Variants in MYO3B observed in about 807,000 individuals in gnomAD.
The protein encoded by MYO3B is myosin IIIB, also known as myosin-IIIb.
Under a neutral mutation model 174.6 loss-of-function variants are expected in MYO3B, and 156 were observed. The observed-to-expected ratio is 0.89, with a 90% confidence interval of 0.78 to 1.02. The LOEUF (loss-of-function observed/expected upper bound fraction) is 1.02. MYO3B is among the 50% of genes least tolerant of loss of function. The pLI is 0.00. For synonymous variants in MYO3B, 563 were observed against 569.1 expected, an observed-to-expected ratio of 0.99 and a Z score of 0.15; for missense variants, 1,632 against 1,639.4, an observed-to-expected ratio of 1.00 and a Z score of 0.08.
intron 32 of MYO3B, among the ~76,000 whole-genome samples, chr2:170,586,470 T>C (rs970474258): frequency 1.3e-5 from 2 of 152,246 alleles, no homozygotes; most frequent in African/African-American, 4.8e-5. Context: ...GCTCACCACA[T>C]GGGCTCTTAA....
At chr2:170,510,500 G>T (rs564434321) in intron 28 of MYO3B, among the ~76,000 whole-genome samples, 9 of 152,076 alleles carry the variant, frequency 5.9e-5, no homozygotes, top group Non-Finnish European at 1.2e-4. Flanking sequence ...TTTTAAGGGG[G>T]GTGTGTCAGT....
chr2:170,434,696 G>A (rs1352298851), intron 22 of MYO3B, among the ~76,000 whole-genome samples: 2 of 152,234 alleles, frequency 1.3e-5, no homozygotes, highest in African/African-American at 4.8e-5. Flanking sequence ...GTTAAGTTTA[G>A]AAGGCAAAGA....
intron 32 of MYO3B, among the ~76,000 whole-genome samples, chr2:170,638,281 G>T (rs1166499770): frequency 6.6e-6 from 1 of 152,134 alleles, no homozygotes; most frequent in Non-Finnish European, 1.5e-5. Flanking sequence ...TTTGCTAACA[G>T]CTGGGCAAAG....
chr2:170,549,869 C>T (rs924593422), intron 32 of MYO3B, among the ~76,000 whole-genome samples: 2 of 152,142 alleles, frequency 1.3e-5, no homozygotes, highest in African/African-American at 2.4e-5. Context: ...TGGAAGGGAG[C>T]GCAAGCAGCT....
chr2:170,294,765 T>C (rs1449681412), intron 7 of MYO3B, among the ~76,000 whole-genome samples: 6 of 152,128 alleles, frequency 3.9e-5, no homozygotes, highest in South Asian at 2.1e-4. Context: ...AACACCAAGA[T>C]TGAACTTTAA....
intron 10 of MYO3B, chr2:170,382,848 C>G: frequency 2.5e-6 from 1 of 403,106 alleles, no homozygotes; most frequent in Non-Finnish European, 4.5e-6. Flanking sequence ...TTAGCAAGTC[C>G]TAAGTGGGCC....
At chr2:170,230,336 ATTTTTTTTTTTT>A (rs60171555) in intron 6 of MYO3B, among the ~76,000 whole-genome samples, 6 of 64,706 alleles carry the variant, frequency 9.3e-5, no homozygotes, top group Admixed American at 5.3e-4. Context: ...CGCCTGGCTA[ATTTTTTTTTTTT>A]TTTTTTTTTT....
chr2:170,475,392 A>G (rs1374979848), intron 25 of MYO3B, among the ~76,000 whole-genome samples: 1 of 152,150 alleles, frequency 6.6e-6, no homozygotes, highest in Non-Finnish European at 1.5e-5. Context: ...CGAAGACTAC[A>G]TGTGCAAACC....
intron 8 of MYO3B, among the ~76,000 whole-genome samples, chr2:170,355,414 C>A (rs1214136103): frequency 6.6e-6 from 1 of 152,204 alleles, no homozygotes; most frequent in Non-Finnish European, 1.5e-5. Flanking sequence ...GGGAAGGGTA[C>A]AAAATGTGGG....
At chr2:170,213,723 A>C (rs555024892) in intron 3 of MYO3B, among the ~76,000 whole-genome samples, 1 of 152,256 alleles carries the variant, frequency 6.6e-6, no homozygotes, top group African/African-American at 2.4e-5. Flanking sequence ...AAATAAAATT[A>C]GTGTTTTTAA....
At chr2:170,277,705 G>A (rs921144287) in intron 7 of MYO3B, among the ~76,000 whole-genome samples, 3 of 148,600 alleles carry the variant, frequency 2.0e-5, no homozygotes, top group Non-Finnish European at 3.0e-5. Context: ...AATATATGCC[G>A]ACCAAAAAAA....
At chr2:170,484,353 A>G (rs575034117) in intron 25 of MYO3B, among the ~76,000 whole-genome samples, 3 of 152,360 alleles carry the variant, frequency 2.0e-5, no homozygotes, top group East Asian at 3.9e-4. Context: ...ACATCTGAAT[A>G]TTCATTGTGA....
chr2:170,416,938 G>C (rs375363847), intron 22 of MYO3B, among the ~76,000 whole-genome samples: 14 of 149,068 alleles, frequency 9.4e-5, no homozygotes, highest in African/African-American at 3.5e-4. Flanking sequence ...CAATTCTCCT[G>C]CCTCAGCCTC....
intron 30 of MYO3B, among the ~76,000 whole-genome samples, chr2:170,523,194 G>A (rs576966843): frequency 2.3e-4 from 35 of 152,264 alleles, no homozygotes; most frequent in African/African-American, 8.4e-4. Flanking sequence ...TCTTGTATCC[G>A]ATATACACAA....
At chr2:170,223,777 T>C (rs1195193284) in intron 6 of MYO3B, among the ~76,000 whole-genome samples, 1 of 152,244 alleles carries the variant, frequency 6.6e-6, no homozygotes, top group Non-Finnish European at 1.5e-5. Flanking sequence ...TCAGTGTTTG[T>C]AAGTGACTGA....
intron 30 of MYO3B, among the ~76,000 whole-genome samples, chr2:170,541,000 G>A (rs572623409): frequency 3.3e-5 from 5 of 152,116 alleles, no homozygotes; most frequent in South Asian, 2.1e-4. Flanking sequence ...GACCTCTGCC[G>A]CTGACTTTTC....
intron 8 of MYO3B, among the ~76,000 whole-genome samples, chr2:170,351,850 T>A (rs900882481): frequency 2.6e-5 from 4 of 152,164 alleles, no homozygotes; most frequent in Non-Finnish European, 4.4e-5. Context: ...AGGAAAACAA[T>A]TTGGGATAAA....
At position 170,466,605 on chromosome 2, in the gene MYO3B, C is replaced by A. The variant is rs775656667; in HGVS notation, c.2908C>A (p.Arg970=). 5 of 1,614,228 alleles carry A rather than the reference C, an allele frequency of 3.1e-6. No homozygotes were observed. The highest frequency in any genetic ancestry group is 1.1e-5 in the South Asian group (1 of 91,074). Residue 970 remains arginine (R), a synonymous_variant, in exon 25 of 35, where the codon CGA becomes AGA. Coordinates refer to ENST00000408978, the MANE Select transcript of MYO3B (RefSeq NM_138995.5). ...NDDREALQFS[R]ERVLAQLRST... is the part of the protein sequence containing the mutation. The stretch of plus-strand genomic sequence containing the variant: ...TGACCGAGAGGCCCTGCAGTTCTCT[C>A]GAGAGAGGGTGCTGGCCCAGCTCCG...
chr2:170,313,760 G>A (rs1263101013), intron 7 of MYO3B, among the ~76,000 whole-genome samples: 1 of 152,110 alleles, frequency 6.6e-6, no homozygotes, highest in Non-Finnish European at 1.5e-5. Flanking sequence ...AGCAGCTGCA[G>A]GCAAGATTTC....
Sources: allele counts gnomAD v4.1 joint callset (sites outside exome capture counted in the v4.1 genomes callset), GRCh38; gene constraint gnomAD v4.1.1; transcripts MANE v1.5; gene names NCBI Gene and HGNC (gene_info 2026-07-23, HGNC 2026-07-21).